Variants in UQCC6 observed in about 807,000 individuals in gnomAD.
The protein encoded by UQCC6 is ubiquinol-cytochrome c reductase complex assembly factor 6, also known as protein BRAWNIN.
At chr12:103,951,884 G>A in the UQCC6 span, among the ~76,000 whole-genome samples, 8 of 152,292 alleles carry the variant, frequency 5.3e-5, no homozygotes, top group African/African-American at 9.6e-5. Flanking sequence ...GCTGGCATCA[G>A]AATCAATTGA....
the UQCC6 span, among the ~76,000 whole-genome samples, chr12:103,954,265 A>G: frequency 6.6e-6 from 1 of 152,246 alleles, no homozygotes; most frequent in Non-Finnish European, 1.5e-5. Flanking sequence ...CTGTGTGTGT[A>G]CACATGCATG....
chr12:103,962,786 C>T, the UQCC6 span, among the ~76,000 whole-genome samples: 1 of 152,228 alleles, frequency 6.6e-6, no homozygotes, highest in African/African-American at 2.4e-5. Context: ...ATGGGGCAGC[C>T]TTGCTCTGCA....
chr12:103,961,957 AG>A, the UQCC6 span, among the ~76,000 whole-genome samples: 1 of 152,244 alleles, frequency 6.6e-6, no homozygotes, highest in East Asian at 1.9e-4. Context: ...CATGCTGAAC[AG>A]GTTTGTAGCC....
the UQCC6 span, among the ~76,000 whole-genome samples, chr12:103,964,188 T>A: frequency 7.6e-6 from 1 of 130,964 alleles, no homozygotes; most frequent in Non-Finnish European, 1.6e-5. Context: ...AGTCTCACTC[T>A]GTAGCCCAGG....
At chr12:103,958,009 A>G in the UQCC6 span, among the ~76,000 whole-genome samples, 2 of 144,056 alleles carry the variant, frequency 1.4e-5, no homozygotes, top group South Asian at 2.2e-4. Flanking sequence ...ATATATATTT[A>G]TTTTTAATAT....
the UQCC6 span, among the ~76,000 whole-genome samples, chr12:103,961,989 A>T: frequency 6.6e-6 from 1 of 152,232 alleles, no homozygotes; most frequent in Admixed American, 6.5e-5. Context: ...AGGCCATACA[A>T]TATAGCCTAG....
chr12:103,959,167 C>T, the UQCC6 span, among the ~76,000 whole-genome samples: 2 of 152,190 alleles, frequency 1.3e-5, no homozygotes, highest in Admixed American at 6.5e-5. Flanking sequence ...TGACTCCATT[C>T]CTTTGGAGCT....
chr12:103,953,017 G>A, the UQCC6 span, among the ~76,000 whole-genome samples: 136 of 152,254 alleles, frequency 8.9e-4, 1 homozygote, highest in African/African-American at 3.1e-3. Flanking sequence ...AAAGGGAGTG[G>A]GGAGATAAAG....
chr12:103,954,158 C>A, the UQCC6 span, among the ~76,000 whole-genome samples: 1 of 152,180 alleles, frequency 6.6e-6, no homozygotes, highest in African/African-American at 2.4e-5. Flanking sequence ...TTAATATACA[C>A]AAATGTCTAT....
chr12:103,957,098 C>T, the UQCC6 span: 2 of 275,852 alleles, frequency 7.3e-6, no homozygotes, highest in Non-Finnish European at 7.2e-6. Context: ...GTGGACTTCA[C>T]TCCTCTCTGC....
the UQCC6 span, chr12:103,954,690 C>T: frequency 2.9e-3 from 1,333 of 453,248 alleles, 3 homozygotes; most frequent in Non-Finnish European, 4.4e-3. Flanking sequence ...CATTCAACAA[C>T]AGTGAGAAGT....
the UQCC6 span, among the ~76,000 whole-genome samples, chr12:103,953,193 A>G: frequency 2.6e-5 from 4 of 152,242 alleles, no homozygotes; most frequent in African/African-American, 9.6e-5. Context: ...TATTACAATA[A>G]CAGGTGAAAG....
At chr12:103,950,203 A>G in the UQCC6 span, 2 of 152,304 alleles carry the variant, frequency 1.3e-5, no homozygotes, top group Admixed American at 1.3e-4. Context: ...ATTAGGGGAT[A>G]ATATAGTACT....
the UQCC6 span, chr12:103,950,745 AC>A: frequency 1.3e-5 from 2 of 152,226 alleles, no homozygotes; most frequent in African/African-American, 2.4e-5. Flanking sequence ...TGGCATTTTT[AC>A]CCAAGGTAAA....
At chr12:103,956,787 C>T in the UQCC6 span, 1 of 1,318,878 alleles carries the variant, frequency 7.6e-7, no homozygotes, top group Non-Finnish European at 1.1e-6. Flanking sequence ...GAAGTTCCAG[C>T]TCACGACTAC....
chr12:103,950,316 CCTG>C, the UQCC6 span: 1 of 151,942 alleles, frequency 6.6e-6, no homozygotes, highest in South Asian at 2.1e-4. Flanking sequence ...TCGATCAACA[CCTG>C]AGAAAGGAAA....
the UQCC6 span, chr12:103,953,364 A>C: frequency 4.3e-6 from 3 of 701,810 alleles, no homozygotes; most frequent in African/African-American, 5.2e-5. Flanking sequence ...ACTACAACAG[A>C]GTCATCTCCT....
chr12:103,961,528 C>T, the UQCC6 span, among the ~76,000 whole-genome samples: 1 of 124,468 alleles, frequency 8.0e-6, no homozygotes. Context: ...ATCTTTAATA[C>T]TGTTTGGTTT....
At chr12:103,956,622 C>G in the UQCC6 span, 11 of 1,528,378 alleles carry the variant, frequency 7.2e-6, no homozygotes, top group Non-Finnish European at 9.8e-6. Context: ...GTAGCCCTCC[C>G]GCACTCACCA....
Sources: gnomAD v4.1 joint callset for allele counts (sites outside exome capture counted in the v4.1 genomes callset) on GRCh38, gnomAD v4.1.1 for gene constraint, MANE v1.5 for transcripts, NCBI Gene and HGNC (gene_info 2026-07-23, HGNC 2026-07-21) for gene names.